Variants in ROGDI observed in about 807,000 individuals in gnomAD.
ROGDI encodes protein rogdi homolog.
A neutral mutation model predicts 43.1 loss-of-function variants in ROGDI; 46 were observed. The ratio of observed to expected loss-of-function variants is 1.07; its 90% CI spans 0.84 to 1.37. The LOEUF is 1.37. Among genes scored for constraint, ROGDI ranks in the 40% most tolerant of loss-of-function variants. The probability of loss-of-function intolerance (pLI) is 0.00; values close to 1 mark genes in which losing one functional copy is unlikely to be tolerated. For synonymous variants in ROGDI, 243 were observed against 162.0 expected (o/e 1.50, Z -3.80); for missense variants, 518 against 383.9 (o/e 1.35, Z -2.92).
At position 4,797,289 on chromosome 16, in the gene ROGDI, C is replaced by CCA. The variant is rs2082661763; in HGVS notation, c.*170_*171insTG. ...CTACCCCACCAAACCAGCCTTCCTT[C>CCA]CTCCTGGCACTTCCAGTGTCCATTC... On this transcript the variant is annotated 3_prime_UTR_variant, in exon 11 of 11. Transcript: ENST00000322048. 1 of 640,830 alleles carries CCA rather than the reference C, an allele frequency of 1.6e-6. No individual in the cohort carries two copies. Among genetic ancestry groups the CCA allele is most frequent in the African/African-American group, 1.8e-5 (1 of 54,448 alleles). 39.7% of individuals were successfully genotyped at this position (640,830 alleles called of 1,614,324 possible).
chr16:4,799,860 CCCA>C lies in ROGDI; in HGVS notation c.337-82_337-80del, dbSNP rs2082695883. The C allele has an allele frequency of 4.0e-6, 4 of 999,332 alleles. No individual in the cohort carries two copies. The Admixed American group carries it at 6.1e-5, about 15-fold the overall frequency. The allele number at this position is 999,332 out of a possible 1,614,324, so 61.9% of individuals were successfully genotyped here. A position where few individuals can be genotyped will look rare whatever the true frequency, so the allele number is the denominator to read the frequency against. Reference sequence around the variant, plus strand: ...GGGAGAGTGGGTGCTGCCTGCCTGCCCCACGTCATTCCACTCTCCACACTGTCA... The same window carrying C: ...GGGAGAGTGGGTGCTGCCTGCCTGCCCGTCATTCCACTCTCCACACTGTCA... On this transcript the variant is annotated intron_variant, in intron 5 of 10. Coordinates refer to ENST00000322048, the MANE Select transcript of ROGDI (RefSeq NM_024589.3).
Position 4,797,340 on chromosome 16 carries a change from G to T in ROGDI, c.*120C>A, listed in dbSNP as rs563680803. On this transcript the variant is annotated 3_prime_UTR_variant, in exon 11 of 11. Coordinates refer to ENST00000322048, the MANE Select transcript of ROGDI (RefSeq NM_024589.3). Reference sequence around the variant, plus strand: ...CCGGCAGTGCAAATGTGTTAGGTGGGGTAGGGGGTGGGATAGGGAGATAAA... The same window carrying T: ...CCGGCAGTGCAAATGTGTTAGGTGGTGTAGGGGGTGGGATAGGGAGATAAA... The T allele has an allele frequency of 5.3e-5, 44 of 827,796 alleles. 1 individual carries two copies. The South Asian group carries it at 7.5e-4, about 14-fold the overall frequency. 51.3% of individuals were successfully genotyped at this position (827,796 alleles called of 1,614,324 possible).
At chr16:4,802,306 G>A (rs1282993623) in intron 2 of ROGDI, 76 bp downstream of exon 2, 3 of 1,331,498 alleles carry the variant, frequency 2.3e-6, no homozygotes, top group East Asian at 2.6e-5. Flanking sequence ...GGACGCAGCC[G>A]CGCGGCCCCA....
intron 6 of ROGDI, chr16:4,798,915 C>G (rs2082686862): frequency 1.9e-6 from 1 of 531,164 alleles, no homozygotes; most frequent in Admixed American, 3.8e-5. Context: ...GGTGCTGGAT[C>G]AATGGGGAAT....
At chr16:4,802,295 A>G in intron 2 of ROGDI, 87 bp downstream of exon 2, 1 of 1,253,634 alleles carries the variant, frequency 8.0e-7, no homozygotes, top group Admixed American at 2.3e-5. Flanking sequence ...GTAGGCGCTC[A>G]GGACGCAGCC....
Position 4,802,604 on chromosome 16 carries a change from CG to C in ROGDI, c.-34del. The C allele has an allele frequency of 7.7e-7, 1 of 1,300,248 alleles. No individual in the cohort carries two copies. Among genetic ancestry groups the C allele is most frequent in the East Asian group, 3.1e-5 (1 of 32,470 alleles). The allele number at this position is 1,300,248 out of a possible 1,614,324, so 80.5% of individuals were successfully genotyped here. A position where few individuals can be genotyped will look rare whatever the true frequency, so the allele number is the denominator to read the frequency against. ...GGCCGCCGCCGAGCGCCCTCCCCAC[CG>C]GCCGCTGCTCCTGTCCACCAATCTT... On this transcript the variant is annotated 5_prime_UTR_variant, in exon 1 of 11. Transcript: ENST00000322048.
intron 10 of ROGDI, 85 bp from the exon 11 acceptor site, chr16:4,797,586 T>A: frequency 3.6e-6 from 2 of 561,156 alleles, no homozygotes; most frequent in Non-Finnish European, 4.8e-6. Flanking sequence ...GGACAATATG[T>A]CAGGACAGGG....
intron 7 of ROGDI, 105 bp from the exon 8 acceptor site, chr16:4,798,289 A>G: frequency 1.1e-6 from 1 of 941,168 alleles, no homozygotes; most frequent in South Asian, 1.4e-5. Flanking sequence ...CCCAGTCCCC[A>G]CCCCAGAGAT....
chr16:4,798,020 T>C, intron 8 of ROGDI, 33 bp from the exon 9 acceptor site: 1 of 1,613,532 alleles, frequency 6.2e-7, no homozygotes, highest in Non-Finnish European at 8.5e-7. Context: ...CGTCAGGCCT[T>C]GCAGGGCGTG....
rs965246266 is a variant in ROGDI, at chr16:4,798,144, T to G, written c.572A>C (p.Asn191Thr). The change falls in exon 8 of 11, where the codon AAC becomes ACC. Residue 191 changes from asparagine to threonine, a missense_variant. Asn to Thr is a moderately conservative substitution (Grantham distance 65). Transcript: ENST00000322048. ...APALPSDLLVNVYINLNKLCL... is the reference protein window; with the variant it reads ...APALPSDLLVTVYINLNKLCL... ...GAGCTTGTTGAGGTTGATGTAGACG[T>G]TGACCAGCAGGTCGGACGGCAGGGC... The G allele has an allele frequency of 1.3e-5, 21 of 1,613,858 alleles. No individual in the cohort carries two copies. Among genetic ancestry groups the G allele is most frequent in the Non-Finnish European group, 1.8e-5 (21 of 1,179,926 alleles).
chr16:4,801,563 A>G lies in ROGDI; in HGVS notation c.140T>C (p.Leu47Pro). The G allele has an allele frequency of 6.2e-7, 1 of 1,604,454 alleles. No homozygotes were observed. The highest frequency in any genetic ancestry group is 8.5e-7 in the Non-Finnish European group (1 of 1,175,736). The change falls in exon 3 of 11, where the codon CTG (leucine) becomes CCG (proline). Residue 47 changes from leucine (L) to proline (P), a missense_variant. By Grantham distance (98) the Leu-to-Pro change is moderately conservative. Transcript: ENST00000322048. ...ILKEASLRFT[L>P]PGSGTEGPAK... ...GGGCCCCTCAGTGCCGGAGCCCGGC[A>G]GAGTGAAGCGCAGAGAGGCCTCCTG... is the stretch of plus-strand genomic sequence containing the variant.
rs1567595935 is a variant in ROGDI at position 4,797,423 on chromosome 16, G to A, written c.*37C>T. The A allele has an allele frequency of 6.2e-7, 1 of 1,600,464 alleles. No individual in the cohort carries two copies. Among genetic ancestry groups the A allele is most frequent in the Admixed American group, 1.7e-5 (1 of 58,834 alleles). ...TGTGGTGGGTATGAGTAGGGGACGG[G>A]GCCGCCTTCCTGGAGACAAGCTCCT... On this transcript the variant is annotated 3_prime_UTR_variant, in exon 11 of 11. Transcript: ENST00000322048.
chr16:4,798,432 C>A, intron 7 of ROGDI, 137 bp downstream of exon 7: 1 of 773,192 alleles, frequency 1.3e-6, no homozygotes, highest in Non-Finnish European at 2.0e-6. Context: ...AGCCAAGGAC[C>A]CCATCCCAGA....
chr16:4,800,301 G>A (rs767524314), intron 5 of ROGDI, among the ~76,000 whole-genome samples, 197 bp downstream of exon 5: 6 of 152,208 alleles, frequency 3.9e-5, no homozygotes, highest in Non-Finnish European at 7.3e-5. Flanking sequence ...CTCAGGCCAG[G>A]TTCTCTACCT....
intron 6 of ROGDI, among the ~76,000 whole-genome samples, chr16:4,799,398 G>A (rs932933207): frequency 2.0e-5 from 3 of 152,116 alleles, no homozygotes; most frequent in African/African-American, 2.4e-5. Context: ...AGGTGCCCAG[G>A]TCAGCTCTTC....
chr16:4,802,166 G>A (rs2082736242), intron 2 of ROGDI: 3 of 652,212 alleles, frequency 4.6e-6, no homozygotes, highest in African/African-American at 3.6e-5. Flanking sequence ...CGGGACTCAG[G>A]CCCTTGCTAG....
At chr16:4,801,416 C>G in intron 3 of ROGDI, 87 bp downstream of exon 3, 2 of 1,558,122 alleles carry the variant, frequency 1.3e-6, no homozygotes, top group Non-Finnish European at 1.8e-6. Flanking sequence ...CATCGCACAA[C>G]CAGCTGGTCT....
rs1366205416 is a variant in ROGDI at position 4,800,542 on chromosome 16, G to C, written c.292C>G (p.Leu98Val). The change falls in exon 5 of 11, where the codon CTG (leucine) becomes GTG (valine). Residue 98 changes from leucine (L) to valine (V), a missense_variant. Coordinates refer to ENST00000322048, the MANE Select transcript of ROGDI (RefSeq NM_024589.3). ...TTGTCCTCCCGGAAGGCGAAGTGCA[G>C]CAGCTGGTTGTTCCGGGGCATCTTC... ...NLKMPRNNQL[L>V]HFAFREDKQW... 14 of 1,566,602 alleles carry C rather than the reference G, an allele frequency of 8.9e-6. No homozygotes were observed. The South Asian group carries it at 1.4e-4, about 16-fold the overall frequency.
intron 6 of ROGDI, chr16:4,798,918 T>C: frequency 1.9e-6 from 1 of 528,564 alleles, no homozygotes; most frequent in Non-Finnish European, 3.3e-6. Context: ...GCTGGATCAA[T>C]GGGGAATGGA....
Sources: allele counts gnomAD v4.1 joint callset (sites outside exome capture counted in the v4.1 genomes callset), GRCh38; gene constraint gnomAD v4.1.1; transcripts MANE v1.5; gene names NCBI Gene and HGNC (gene_info 2026-07-23, HGNC 2026-07-21).